The following PDE11A variants were observed in gnomAD, a reference collection of about 807,000 sequenced individuals.
The protein encoded by PDE11A is phosphodiesterase 11A, also known as dual 3',5'-cyclic-AMP and -GMP phosphodiesterase 11A.
In PDE11A, 100 loss-of-function variants were observed where a neutral mutation model predicts 100.5. That is an observed-to-expected ratio of 1.00 (90% CI 0.85 to 1.18). The LOEUF is 1.18. Among genes scored for constraint, PDE11A ranks in the 50% most tolerant of loss-of-function variants. The probability of loss-of-function intolerance (pLI) is 0.00; values close to 1 mark genes in which losing one functional copy is unlikely to be tolerated. For missense variants in PDE11A, 1,141 were observed against 1,152.6 expected (o/e 0.99, Z 0.15); for synonymous variants, 381 against 420.8 (o/e 0.91, Z 1.16).
intron 1 of PDE11A, among the ~76,000 whole-genome samples, chr2:178,023,166 T>A (rs111381513): frequency 6.6e-4 from 100 of 152,326 alleles, no homozygotes; most frequent in African/African-American, 2.2e-3. Flanking sequence ...TGCAAGTTTC[T>A]GAGTTGAATG....
At chr2:177,805,942 C>T (rs1286716631) in intron 9 of PDE11A, among the ~76,000 whole-genome samples, 1 of 152,156 alleles carries the variant, frequency 6.6e-6, no homozygotes. Context: ...TCAAGAGAAG[C>T]CTTTTATAGA....
chr2:177,912,121 G>A (rs529890871), intron 2 of PDE11A, among the ~76,000 whole-genome samples: 45 of 152,172 alleles, frequency 3.0e-4, no homozygotes, highest in African/African-American at 1.1e-3. Context: ...ACCCAAGGTG[G>A]GCTCCTCACT....
At position 178,072,059 on chromosome 2, in the gene PDE11A, G is replaced by C. The variant is rs779842799; in HGVS notation, c.379C>G (p.Arg127Gly). Reference sequence around the variant, plus strand: ...CTGTTCACGTGGATGGCCTTGGAGCGGGCAAAACTCTTCCTTAGCTCTTTC... The same window carrying C: ...CTGTTCACGTGGATGGCCTTGGAGCCGGCAAAACTCTTCCTTAGCTCTTTC... ...SQKELRKSFA[R>G]SKAIHVNRTY... is the part of the protein sequence containing the mutation. The change falls in exon 1 of 20, where the codon CGC (arginine) becomes GGC (glycine). Residue 127 changes from arginine (R) to glycine (G), a missense_variant. Coordinates refer to ENST00000286063, the MANE Select transcript of PDE11A (RefSeq NM_016953.4). 2 of 1,613,842 alleles carry C rather than the reference G, an allele frequency of 1.2e-6. No individual in the cohort carries two copies. The highest frequency in any genetic ancestry group is 1.7e-6 in the Non-Finnish European group (2 of 1,179,784).
chr2:178,099,896 CT>C (rs1402371153), intron 2 of PDE11A, among the ~76,000 whole-genome samples: 1 of 152,100 alleles, frequency 6.6e-6, no homozygotes, highest in Non-Finnish European at 1.5e-5. Context: ...AAACAAAATG[CT>C]ATCTACATAT....
Position 177,796,579 on chromosome 2 carries a change from C to T in PDE11A, c.1737+20250G>A, listed in dbSNP as rs572064408. ...GTGAGTAACTCCAATGTCTTCTAAA[C>T]GGTTTGTAGGCTTAGTTCCTTCTGG... On this transcript the variant is annotated intron_variant, in intron 9 of 19. Transcript: ENST00000286063. Among the ~76,000 whole-genome samples, 795 of 152,184 alleles carry T rather than the reference C, an allele frequency of 5.2e-3. 35 individuals are homozygous for T. Among genetic ancestry groups the T allele is most frequent in the Non-Finnish European group, 5.6e-3 (378 of 68,006 alleles).
chr2:177,989,847 C>A (rs570232125), intron 2 of PDE11A, among the ~76,000 whole-genome samples: 2 of 151,962 alleles, frequency 1.3e-5, no homozygotes, highest in African/African-American at 4.8e-5. Context: ...AAAATAAAAA[C>A]GAAAAACCAA....
At chr2:177,673,933 C>A (rs562265474) in intron 17 of PDE11A, among the ~76,000 whole-genome samples, 2 of 152,228 alleles carry the variant, frequency 1.3e-5, no homozygotes, top group Non-Finnish European at 2.9e-5. Context: ...GTTCCTTCAG[C>A]CCCAATACAG....
chr2:177,803,379 A>G (rs1574158419), intron 9 of PDE11A, among the ~76,000 whole-genome samples: 1 of 152,078 alleles, frequency 6.6e-6, no homozygotes, highest in East Asian at 1.9e-4. Context: ...TACCAAGCAT[A>G]CAAATAACTA....
At chr2:178,068,580 C>A (rs140006774) in intron 1 of PDE11A, among the ~76,000 whole-genome samples, 1 of 151,794 alleles carries the variant, frequency 6.6e-6, no homozygotes, top group Admixed American at 6.6e-5. Context: ...GCAAGAAACA[C>A]CTTAAAAATA....
intron 10 of PDE11A, among the ~76,000 whole-genome samples, 161 bp from the exon 11 acceptor site, chr2:177,728,333 C>T (rs2105448134): frequency 7.4e-6 from 1 of 135,302 alleles, no homozygotes; most frequent in East Asian, 2.1e-4. Context: ...TCTTTTGTTT[C>T]TGAACTGCAA....
At chr2:177,954,923 G>T (rs537938772) in intron 2 of PDE11A, among the ~76,000 whole-genome samples, 1 of 152,110 alleles carries the variant, frequency 6.6e-6, no homozygotes, top group Admixed American at 6.5e-5. Context: ...TCACATTATG[G>T]AGACATTTAT....
intron 2 of PDE11A, among the ~76,000 whole-genome samples, chr2:177,909,153 A>C (rs906706714): frequency 5.9e-5 from 9 of 152,262 alleles, no homozygotes; most frequent in East Asian, 5.8e-4. Flanking sequence ...CTTATATCAC[A>C]ATATACTTCC....
intron 1 of PDE11A, among the ~76,000 whole-genome samples, chr2:178,057,468 C>T (rs2086912594): frequency 6.6e-6 from 1 of 152,148 alleles, no homozygotes; most frequent in African/African-American, 2.4e-5. Flanking sequence ...TTCAAGTTAC[C>T]ACCCTTACAT....
intron 19 of PDE11A, among the ~76,000 whole-genome samples, chr2:177,637,996 TA>T (rs1172084106): frequency 0.01 from 487 of 48,626 alleles, 25 homozygotes; most frequent in African/African-American, 0.034. Flanking sequence ...TATATATATA[TA>T]TTTTTTTTTT....
At chr2:177,644,110 TCCCCACCTGGGCATTGC>T (rs2080185483) in intron 19 of PDE11A, among the ~76,000 whole-genome samples, 1 of 151,866 alleles carries the variant, frequency 6.6e-6, no homozygotes, top group African/African-American at 2.4e-5. Context: ...CCACACAGAG[TCCCCACCTGGGCATTGC>T]CTAGTGGAGC....
intron 19 of PDE11A, among the ~76,000 whole-genome samples, chr2:177,634,859 T>G (rs764566629): frequency 5.9e-5 from 9 of 152,180 alleles, no homozygotes; most frequent in African/African-American, 2.2e-4. Context: ...ATTTAAAAGT[T>G]TCTTATCAAG....
intron 5 of PDE11A, among the ~76,000 whole-genome samples, chr2:177,858,246 T>C (rs570149657): frequency 3.3e-5 from 5 of 152,000 alleles, no homozygotes; most frequent in South Asian, 2.1e-4. Context: ...AATTGACAAA[T>C]GGGATCTAAT....
At chr2:177,751,652 A>G (rs1160489241) in intron 10 of PDE11A, among the ~76,000 whole-genome samples, 5 of 152,222 alleles carry the variant, frequency 3.3e-5, no homozygotes, top group Admixed American at 6.5e-5. Flanking sequence ...TTTTACTGGA[A>G]GAGAAAACCC....
At chr2:177,901,799 T>C (rs2084702065) in intron 3 of PDE11A, among the ~76,000 whole-genome samples, 1 of 152,214 alleles carries the variant, frequency 6.6e-6, no homozygotes, top group Admixed American at 6.5e-5. Flanking sequence ...TTTCTTCAGA[T>C]GGATCATATT....
Sources: gnomAD v4.1 joint callset for allele counts (sites outside exome capture counted in the v4.1 genomes callset) on GRCh38, gnomAD v4.1.1 for gene constraint, MANE v1.5 for transcripts, NCBI Gene and HGNC (gene_info 2026-07-23, HGNC 2026-07-21) for gene names.